The following EBF1 variants were observed in gnomAD, a reference collection of about 807,000 sequenced individuals.
The protein encoded by EBF1 is transcription factor COE1.
A neutral mutation model predicts 68.4 loss-of-function variants in EBF1; 10 were observed. That is an observed-to-expected ratio of 0.15 (90% CI 0.09 to 0.25). The LOEUF is 0.25. Ranked by LOEUF, EBF1 falls within the 10% of genes least tolerant of loss-of-function variation. The pLI, the probability that EBF1 is intolerant of heterozygous loss-of-function variation, is 1.00. For missense variants in EBF1, 509 were observed against 794.4 expected, an observed-to-expected ratio of 0.64 and a Z score of 4.32; for synonymous variants, 298 against 299.8, an observed-to-expected ratio of 0.99 and a Z score of 0.06.
chr5:158,982,363 A>T (rs755606442), intron 6 of EBF1, among the ~76,000 whole-genome samples: 1 of 152,198 alleles, frequency 6.6e-6, no homozygotes, highest in African/African-American at 2.4e-5. Context: ...GATGAAAAGG[A>T]TGCACTTGGG....
intron 9 of EBF1, among the ~76,000 whole-genome samples, chr5:158,781,733 G>GGCTC (rs758459358): frequency 1.3e-5 from 2 of 152,036 alleles, no homozygotes; most frequent in Non-Finnish European, 2.9e-5. Context: ...GGGCCCCACT[G>GGCTC]GCTCTTCTCT....
At chr5:158,984,442 G>A (rs923739484) in intron 6 of EBF1, among the ~76,000 whole-genome samples, 3 of 152,050 alleles carry the variant, frequency 2.0e-5, no homozygotes, top group African/African-American at 7.2e-5. Context: ...AAATAAAACT[G>A]TACCAGTAAT....
At chr5:158,995,791 T>G (rs938803086) in intron 6 of EBF1, among the ~76,000 whole-genome samples, 44 of 152,324 alleles carry the variant, frequency 2.9e-4, no homozygotes, top group African/African-American at 9.9e-4. Context: ...CACAGTGCAC[T>G]CTGTGCTACT....
At chr5:158,828,523 C>A (rs1019283873) in intron 7 of EBF1, among the ~76,000 whole-genome samples, 3 of 152,078 alleles carry the variant, frequency 2.0e-5, no homozygotes, top group Non-Finnish European at 1.5e-5. Context: ...TTAGACAAAG[C>A]TAGACACATG....
At chr5:158,742,913 GT>G (rs1431819148) in intron 10 of EBF1, among the ~76,000 whole-genome samples, 3 of 152,130 alleles carry the variant, frequency 2.0e-5, no homozygotes, top group Non-Finnish European at 4.4e-5. Flanking sequence ...GTTTTATACT[GT>G]TTAATTAATT....
At chr5:158,941,793 A>G (rs997254869) in intron 6 of EBF1, among the ~76,000 whole-genome samples, 1 of 152,174 alleles carries the variant, frequency 6.6e-6, no homozygotes, top group Non-Finnish European at 1.5e-5. Context: ...GATGAGTCCA[A>G]GGAGTAGTAA....
At chr5:159,076,563 G>T (rs1016157622) in intron 5 of EBF1, among the ~76,000 whole-genome samples, 8 of 152,140 alleles carry the variant, frequency 5.3e-5, no homozygotes, top group Admixed American at 3.3e-4. Context: ...ATATAGAAAT[G>T]AAATGGGGAG....
intron 6 of EBF1, among the ~76,000 whole-genome samples, chr5:158,893,215 T>C (rs1801528390): frequency 6.6e-6 from 1 of 152,224 alleles, no homozygotes; most frequent in Non-Finnish European, 1.5e-5. Flanking sequence ...CAAATTTATA[T>C]TCAATTTTGG....
chr5:158,895,754 G>T (rs1802054131), intron 6 of EBF1, among the ~76,000 whole-genome samples: 2 of 152,184 alleles, frequency 1.3e-5, no homozygotes, highest in South Asian at 4.1e-4. Flanking sequence ...ATCCCTTGAG[G>T]CAGAAGTGGA....
intron 6 of EBF1, among the ~76,000 whole-genome samples, chr5:158,914,621 G>A (rs1387195390): frequency 2.0e-5 from 3 of 152,104 alleles, no homozygotes; most frequent in African/African-American, 4.8e-5. Context: ...AAAGGAGGGG[G>A]GGAAATGCCC....
At chr5:159,048,976 C>A (rs1305523198) in intron 6 of EBF1, among the ~76,000 whole-genome samples, 1 of 152,244 alleles carries the variant, frequency 6.6e-6, no homozygotes, top group Non-Finnish European at 1.5e-5. Context: ...AGCTTCTTCA[C>A]AAGTAGTAAA....
intron 6 of EBF1, among the ~76,000 whole-genome samples, chr5:158,978,236 C>T (rs765973366): frequency 1.2e-4 from 18 of 152,252 alleles, no homozygotes; most frequent in Non-Finnish European, 2.4e-4. Flanking sequence ...TGACCCCCGA[C>T]ATGCGGCCGC....
chr5:158,870,681 GAAAAAGAAAGA>G (rs1362789701), intron 6 of EBF1, among the ~76,000 whole-genome samples: 2 of 151,918 alleles, frequency 1.3e-5, no homozygotes, highest in East Asian at 3.9e-4. Flanking sequence ...GTCTCAAAAA[GAAAAAGAAAGA>G]AAAAAGAATG....
At chr5:158,876,475 T>A (rs1797829977) in intron 6 of EBF1, among the ~76,000 whole-genome samples, 1 of 152,180 alleles carries the variant, frequency 6.6e-6, no homozygotes, top group African/African-American at 2.4e-5. Flanking sequence ...ACTTCCTAGA[T>A]GGGAGACACA....
chr5:158,966,336 C>G (rs1428510853), intron 6 of EBF1, among the ~76,000 whole-genome samples: 2 of 152,124 alleles, frequency 1.3e-5, no homozygotes, highest in African/African-American at 4.8e-5. Context: ...TTCTGCCACA[C>G]AGGTATGGAA....
At chr5:158,880,149 A>G (rs1208279890) in intron 6 of EBF1, among the ~76,000 whole-genome samples, 3 of 152,176 alleles carry the variant, frequency 2.0e-5, no homozygotes, top group Non-Finnish European at 4.4e-5. Flanking sequence ...AAACACTCAC[A>G]AAGCGCTGTC....
In EBF1 at chr5:158,704,820, G is replaced by A. The variant is rs1757518283; in HGVS notation, c.1744+3159C>T. On this transcript the variant is annotated intron_variant, in intron 15 of 15. Coordinates refer to ENST00000313708, the MANE Select transcript of EBF1 (RefSeq NM_024007.5). Reference sequence around the variant, plus strand: ...AGGCTAAAGAGGCAAGTCCCAGAGTGTGGGCCCCACCTGCCAGCACAGCAC... The same window carrying A: ...AGGCTAAAGAGGCAAGTCCCAGAGTATGGGCCCCACCTGCCAGCACAGCAC... Among the ~76,000 whole-genome samples the A allele has an allele frequency of 2.0e-5, 3 of 152,176 alleles. No individual in the cohort carries two copies. The South Asian group carries it at 6.2e-4, about 32-fold the overall frequency.
intron 10 of EBF1, among the ~76,000 whole-genome samples, chr5:158,737,266 A>ATTTTTTTTTTTTTTTTTT (rs61380054): frequency 1.8e-5 from 1 of 55,600 alleles, no homozygotes; most frequent in African/African-American, 8.0e-5. Flanking sequence ...ACATGCCCTG[A>ATTTTTTTTTTTTTTTTTT]TTTTTTTTTT....
At chr5:159,077,283 A>T (rs570681694) in intron 5 of EBF1, among the ~76,000 whole-genome samples, 180 of 152,252 alleles carry the variant, frequency 1.2e-3, no homozygotes, top group African/African-American at 1.6e-3. Context: ...AAAAATTTTT[A>T]AAAAAATTAT....
Sources: gnomAD v4.1 joint callset for allele counts (sites outside exome capture counted in the v4.1 genomes callset) on GRCh38, gnomAD v4.1.1 for gene constraint, MANE v1.5 for transcripts, NCBI Gene and HGNC (gene_info 2026-07-23, HGNC 2026-07-21) for gene names.